SNTG1: variants seen among roughly 807,000 people sequenced by gnomAD.
SNTG1 encodes the protein syntrophin gamma 1, also known as gamma-1-syntrophin.
A neutral mutation model predicts 74.7 loss-of-function variants in SNTG1; 39 were observed. The ratio of observed to expected loss-of-function variants is 0.52; its 90% CI spans 0.40 to 0.68. SNTG1 has a LOEUF of 0.68. SNTG1 is among the 30% of genes least tolerant of loss of function. SNTG1 has a pLI of 0.00. For missense variants in SNTG1, 685 were observed against 609.5 expected (o/e 1.12, Z -1.30); for synonymous variants, 254 against 217.1 (o/e 1.17, Z -1.49).
intron 2 of SNTG1, among the ~76,000 whole-genome samples, chr8:50,206,351 T>A (rs1013586967): frequency 2.6e-5 from 4 of 152,130 alleles, no homozygotes; most frequent in African/African-American, 7.2e-5. Flanking sequence ...GAGTTCACTC[T>A]TTATTTGGCT....
At chr8:50,597,290 TAC>T (rs1189153705) in intron 13 of SNTG1, among the ~76,000 whole-genome samples, 4 of 150,022 alleles carry the variant, frequency 2.7e-5, no homozygotes, top group Admixed American at 6.7e-5. Flanking sequence ...CATATATATA[TAC>T]ACACACATAT....
At position 50,497,397 on chromosome 8, in the gene SNTG1, C is replaced by G. The variant is rs1371821552; in HGVS notation, c.364-5381C>G. 2.0e-5 allele frequency among the ~76,000 whole-genome samples: 3 copies of G among 152,006 alleles called. No homozygotes were observed. In the East Asian group the frequency reaches 5.8e-4, roughly 29 times the overall value. On this transcript the variant is annotated intron_variant, in intron 8 of 18. Coordinates refer to ENST00000642720, the MANE Select transcript of SNTG1 (RefSeq NM_018967.5). ...AATCCTAGATATTATCTATTGTACA[C>G]TTAATATAGAATATGAGTACTTAGC...
chr8:50,326,103 T>C (rs1452507254), intron 2 of SNTG1, among the ~76,000 whole-genome samples: 2 of 152,082 alleles, frequency 1.3e-5, no homozygotes, highest in Non-Finnish European at 2.9e-5. Flanking sequence ...TATAGTTGTA[T>C]ACACTGTTGG....
intron 1 of SNTG1, among the ~76,000 whole-genome samples, chr8:49,976,085 A>G (rs541644771): frequency 6.6e-6 from 1 of 152,144 alleles, no homozygotes; most frequent in African/African-American, 2.4e-5. Context: ...ACTATTACTA[A>G]TTTTGAGATG....
chr8:50,097,727 G>A (rs1164990247), intron 1 of SNTG1, among the ~76,000 whole-genome samples: 1 of 151,942 alleles, frequency 6.6e-6, no homozygotes, highest in Non-Finnish European at 1.5e-5. Context: ...AGATTATGAA[G>A]AAAATACAGT....
chr8:50,301,784 T>C (rs2089657637), intron 2 of SNTG1, among the ~76,000 whole-genome samples: 1 of 152,204 alleles, frequency 6.6e-6, no homozygotes, highest in South Asian at 2.1e-4. Flanking sequence ...TCTCTAGAGC[T>C]GGTCTGCCCT....
chr8:49,930,084 G>C (rs1386213725), intron 1 of SNTG1, among the ~76,000 whole-genome samples: 1 of 152,018 alleles, frequency 6.6e-6, no homozygotes, highest in Non-Finnish European at 1.5e-5. Context: ...TAAACTACAA[G>C]TCCAGACTGC....
chr8:50,300,602 TC>T (rs2089602798), intron 2 of SNTG1, among the ~76,000 whole-genome samples: 1 of 150,930 alleles, frequency 6.6e-6, no homozygotes, highest in African/African-American at 2.5e-5. Flanking sequence ...AATAAATTTT[TC>T]CCATGGAAGA....
intron 2 of SNTG1, among the ~76,000 whole-genome samples, chr8:50,294,066 G>A (rs778122668): frequency 2.6e-5 from 4 of 152,220 alleles, no homozygotes; most frequent in Middle Eastern, 3.4e-3. Flanking sequence ...ATTGAATCAA[G>A]TTGTGCAAAT....
rs1021376069 is a variant in SNTG1 at position 50,796,474 on chromosome 8, T to C, written c.*3645T>C. The C allele has an allele frequency of 1.3e-5, 2 of 151,902 alleles. No homozygotes were observed. Among genetic ancestry groups the C allele is most frequent in the Non-Finnish European group, 2.9e-5 (2 of 67,910 alleles). The allele number at this position is 151,902 out of a possible 1,614,324, so 9.4% of individuals were successfully genotyped here. ...ATAAAATATTATAAATGTTATATAT[T>C]TTATACATGTTAAAATGCAGTGAAA... On this transcript the variant is annotated 3_prime_UTR_variant, in exon 19 of 19. Coordinates refer to ENST00000642720, the MANE Select transcript of SNTG1 (RefSeq NM_018967.5).
intron 8 of SNTG1, among the ~76,000 whole-genome samples, chr8:50,452,151 T>TA (rs1408244065): frequency 2.6e-5 from 4 of 152,200 alleles, no homozygotes; most frequent in African/African-American, 9.6e-5. Flanking sequence ...TTGGCATAAC[T>TA]AATCAAGGTT....
intron 4 of SNTG1, among the ~76,000 whole-genome samples, chr8:50,435,036 A>C (rs1239411435): frequency 6.6e-6 from 1 of 152,104 alleles, no homozygotes; most frequent in Admixed American, 6.6e-5. Context: ...TAGTTCATAC[A>C]ATCTTTCTCT....
chr8:50,366,147 T>C (rs915432645), intron 2 of SNTG1, among the ~76,000 whole-genome samples: 2 of 152,098 alleles, frequency 1.3e-5, no homozygotes, highest in African/African-American at 4.8e-5. Flanking sequence ...GCATGAAACA[T>C]TGGGATCTGT....
Position 50,275,250 on chromosome 8 carries a change from T to A in SNTG1, c.-28+102615T>A, listed in dbSNP as rs145858471. On this transcript the variant is annotated intron_variant, in intron 2 of 18. Transcript: ENST00000642720. ...TGAATCAACACTCTAATAGTGTTTG[T>A]CTTTTAATTGATATTTAGACAACTG... Among the ~76,000 whole-genome samples, 22 of 152,338 alleles carry A rather than the reference T, an allele frequency of 1.4e-4. No homozygotes were observed. The East Asian group carries it at 4.0e-3, about 28-fold the overall frequency.
intron 2 of SNTG1, among the ~76,000 whole-genome samples, chr8:50,301,636 A>C (rs758935618): frequency 3.9e-5 from 6 of 152,050 alleles, no homozygotes. Context: ...TTTTCTGGAA[A>C]CTGGATATTT....
chr8:50,585,827 A>C (rs1050488079), intron 12 of SNTG1, among the ~76,000 whole-genome samples: 5 of 152,162 alleles, frequency 3.3e-5, no homozygotes, highest in Non-Finnish European at 5.9e-5. Flanking sequence ...TGCTTTATTG[A>C]TATTAATGTT....
chr8:50,001,597 T>A (rs943945467), intron 1 of SNTG1, among the ~76,000 whole-genome samples: 23 of 152,200 alleles, frequency 1.5e-4, no homozygotes, highest in Non-Finnish European at 5.9e-5. Context: ...TCGTGGATTT[T>A]CAACTCCTCT....
chr8:50,658,565 T>G (rs1488602419), intron 14 of SNTG1, 27 bp from the exon 15 acceptor site: 1 of 1,513,666 alleles, frequency 6.6e-7, no homozygotes, highest in East Asian at 2.3e-5. Context: ...TAAAACAAAT[T>G]AAACATTATT....
chr8:49,937,503 A>G (rs1349509388), intron 1 of SNTG1, among the ~76,000 whole-genome samples: 1 of 152,240 alleles, frequency 6.6e-6, no homozygotes, highest in Non-Finnish European at 1.5e-5. Context: ...TACTGTTTCA[A>G]GGTGAACTAG....
Sources: allele counts gnomAD v4.1 joint callset (sites outside exome capture counted in the v4.1 genomes callset), GRCh38; gene constraint gnomAD v4.1.1; transcripts MANE v1.5; gene names NCBI Gene and HGNC (gene_info 2026-07-23, HGNC 2026-07-21).